Variants in TRPM7 observed in about 807,000 individuals in gnomAD.
TRPM7 encodes the protein transient receptor potential cation channel subfamily M member 7.
In TRPM7, 134 loss-of-function variants were observed where a neutral mutation model predicts 229.7. The observed-to-expected ratio is 0.58, with a 90% CI of 0.51 to 0.67. The LOEUF (loss-of-function observed/expected upper bound fraction) is 0.67. Ranked by LOEUF, TRPM7 falls within the 30% of genes least tolerant of loss-of-function variation. The pLI, the probability that TRPM7 is intolerant of heterozygous loss-of-function variation, is 0.00. For missense variants in TRPM7, 1,901 were observed against 2,210.0 expected (o/e 0.86, Z 2.80); for synonymous variants, 699 against 715.2 (o/e 0.98, Z 0.36).
intron 38 of TRPM7, among the ~76,000 whole-genome samples, chr15:50,568,111 C>CAAAAAA (rs57093955): frequency 4.3e-4 from 35 of 81,422 alleles, no homozygotes; most frequent in Non-Finnish European, 5.8e-4. Flanking sequence ...GACTCTGTCT[C>CAAAAAA]AAAAAAAAAA....
chr15:50,636,712 T>A (rs16973487), intron 7 of TRPM7, among the ~76,000 whole-genome samples: 18,981 of 152,180 alleles, frequency 0.12, 1,345 homozygotes, highest in African/African-American at 0.19. Context: ...TTAAGACACA[T>A]TTAGCCAAAC....
intron 1 of TRPM7, among the ~76,000 whole-genome samples, chr15:50,669,864 T>A (rs2061952486): frequency 6.6e-6 from 1 of 152,188 alleles, no homozygotes; most frequent in Admixed American, 6.6e-5. Context: ...CGATCCCTTA[T>A]CAGCATGGTT....
At position 50,643,456 on chromosome 15, in the gene TRPM7, T is replaced by A; in HGVS notation, c.419A>T (p.His140Leu). The A allele has an allele frequency of 6.2e-7, 1 of 1,614,172 alleles. No homozygotes were observed. Among genetic ancestry groups the A allele is most frequent in the Non-Finnish European group, 8.5e-7 (1 of 1,180,030 alleles). ...MELPKLVISV[H>L]GGMQKFELHP... ...AAGCTCAAATTTCTGCATGCCCCCA[T>A]GTACAGAGATAACAAGTTTGGGTAA... The change falls in exon 5 of 39, where the codon CAT (histidine) becomes CTT (leucine). Residue 140 changes from histidine to leucine, a missense_variant. Coordinates refer to ENST00000646667, the MANE Select transcript of TRPM7 (RefSeq NM_017672.6).
intron 6 of TRPM7, among the ~76,000 whole-genome samples, chr15:50,637,905 G>C (rs1002726180): frequency 8.5e-5 from 13 of 152,118 alleles, no homozygotes; most frequent in Non-Finnish European, 1.8e-4. Context: ...ATTATTAAGT[G>C]ACTAAACTAC....
chr15:50,681,946 C>T (rs1383200660), intron 1 of TRPM7, among the ~76,000 whole-genome samples: 3 of 152,080 alleles, frequency 2.0e-5, no homozygotes, highest in African/African-American at 7.2e-5. Context: ...CTTTGGGAGG[C>T]TGAGGTGGAT....
rs1371214613 is a variant in TRPM7 at position 50,559,778 on chromosome 15, G to A, written c.*1900C>T. ...AGTAGGCACTAAATAAGTGTTAGCA[G>A]CCAGGTGCGGTGGCTCACAAGGTCA... On this transcript the variant is annotated 3_prime_UTR_variant, in exon 39 of 39. Coordinates refer to ENST00000646667, the MANE Select transcript of TRPM7 (RefSeq NM_017672.6). 1 of 152,010 alleles carries A rather than the reference G, an allele frequency of 6.6e-6. No individual in the cohort carries two copies. Among genetic ancestry groups the A allele is most frequent in the Admixed American group, 6.6e-5 (1 of 15,236 alleles). 9.4% of individuals were successfully genotyped at this position (152,010 alleles called of 1,614,324 possible).
chr15:50,592,255 C>T lies in TRPM7; in HGVS notation c.3980G>A (p.Cys1327Tyr). 6.2e-7 allele frequency: 1 copy of T among 1,613,996 alleles called. No homozygotes were observed. Among genetic ancestry groups the T allele is most frequent in the Non-Finnish European group, 8.5e-7 (1 of 1,179,978 alleles). Residue 1327 changes from cysteine (C) to tyrosine (Y), a missense_variant, in exon 26 of 39, where the codon TGT (cysteine) becomes TAT (tyrosine). This residue lies in a region of TRPM7 where 533 missense variants were observed against 497.1 expected (regional missense o/e 1.07). Transcript: ENST00000646667. ...AGGTAAGTCTTGACCAAATATATTA[C>T]ACTGGGGATCTTTGTCATCTTTCAT... ...ILMKDDKDPQ[C>Y]NIFGQDLPAV...
chr15:50,616,301 G>A (rs2060220318), intron 13 of TRPM7, among the ~76,000 whole-genome samples: 1 of 151,956 alleles, frequency 6.6e-6, no homozygotes, highest in Non-Finnish European at 1.5e-5. Flanking sequence ...AAAAAAAATA[G>A]GGCTTATTAT....
intron 1 of TRPM7, among the ~76,000 whole-genome samples, chr15:50,680,498 G>A (rs2062217031): frequency 6.6e-6 from 1 of 151,914 alleles, no homozygotes; most frequent in Non-Finnish European, 1.5e-5. Flanking sequence ...GAACCCGGGA[G>A]GCGGAGTCTG....
intron 28 of TRPM7, among the ~76,000 whole-genome samples, chr15:50,584,100 T>C (rs892764367): frequency 3.9e-5 from 6 of 152,182 alleles, no homozygotes; most frequent in South Asian, 4.1e-4. Context: ...AAATGAACTT[T>C]AGAATTAAGC....
chr15:50,632,649 G>T (rs2060772459), intron 9 of TRPM7, among the ~76,000 whole-genome samples: 1 of 152,140 alleles, frequency 6.6e-6, no homozygotes, highest in Non-Finnish European at 1.5e-5. Flanking sequence ...TAAAACAGAA[G>T]CACAAATACA....
intron 22 of TRPM7, 98 bp downstream of exon 22, chr15:50,599,024 A>G: frequency 2.2e-6 from 2 of 907,242 alleles, no homozygotes; most frequent in Non-Finnish European, 3.3e-6. Context: ...GGTTGGTAAT[A>G]GTTTGACTTC....
At chr15:50,629,637 G>T (rs1017664996) in intron 10 of TRPM7, among the ~76,000 whole-genome samples, 1 of 151,896 alleles carries the variant, frequency 6.6e-6, no homozygotes, top group African/African-American at 2.4e-5. Flanking sequence ...TTTTCTAAGA[G>T]GTAGTCATCT....
chr15:50,644,112 T>G (rs2061190048), intron 4 of TRPM7, among the ~76,000 whole-genome samples: 1 of 152,208 alleles, frequency 6.6e-6, no homozygotes, highest in Admixed American at 6.5e-5. Flanking sequence ...TTCTTCACTG[T>G]AAATAACTGG....
chr15:50,565,727 C>A (rs543541488), intron 38 of TRPM7, among the ~76,000 whole-genome samples: 2 of 152,174 alleles, frequency 1.3e-5, no homozygotes, highest in Middle Eastern at 3.4e-3. Context: ...ACACTAGCAA[C>A]AAACTTTAAT....
At chr15:50,611,561 G>A (rs1165516444) in intron 16 of TRPM7, among the ~76,000 whole-genome samples, 1 of 152,092 alleles carries the variant, frequency 6.6e-6, no homozygotes, top group African/African-American at 2.4e-5. Context: ...ACATTCTCCC[G>A]GTCCTAGAAA....
intron 28 of TRPM7, among the ~76,000 whole-genome samples, chr15:50,585,795 C>T (rs874665): frequency 0.46 from 70,560 of 151,918 alleles, 16,567 homozygotes; most frequent in Admixed American, 0.55. Context: ...CATATATAAT[C>T]TTGACTTATA....
intron 1 of TRPM7, among the ~76,000 whole-genome samples, chr15:50,669,543 A>G (rs1053974991): frequency 3.3e-5 from 5 of 152,340 alleles, no homozygotes; most frequent in African/African-American, 1.2e-4. Context: ...AGCCTATATA[A>G]TTATTCTTGC....
At chr15:50,655,542 A>G (rs2061542210) in intron 3 of TRPM7, among the ~76,000 whole-genome samples, 1 of 152,084 alleles carries the variant, frequency 6.6e-6, no homozygotes, top group South Asian at 2.1e-4. Context: ...ACTCTCAGGC[A>G]TATTATAGAC....
Sources: gnomAD v4.1 joint callset for allele counts (sites outside exome capture counted in the v4.1 genomes callset) on GRCh38, gnomAD v4.1.1 for gene constraint, gnomAD v4.1.1 regional missense constraint, MANE v1.5 for transcripts, NCBI Gene and HGNC (gene_info 2026-07-23, HGNC 2026-07-21) for gene names.